The following ASIC2 variants were observed in gnomAD, a reference collection of about 807,000 sequenced individuals.
ASIC2 encodes the protein acid-sensing ion channel 2.
ASIC2 carries 25 observed loss-of-function variants against 57.3 expected under a neutral mutation model. That is an observed-to-expected ratio of 0.44 (90% CI 0.32 to 0.61). The LOEUF (loss-of-function observed/expected upper bound fraction) is 0.61, where lower values mean the gene tolerates loss of function less well. Among genes scored for constraint, ASIC2 ranks in the 20% least tolerant of loss-of-function variants. The pLI is 0.06. For synonymous variants in ASIC2, 319 were observed against 307.5 expected (o/e 1.04, Z -0.39); for missense variants, 641 against 738.1 (o/e 0.87, Z 1.52).
At chr17:33,015,782 C>A (rs1174689385) in intron 9 of ASIC2, among the ~76,000 whole-genome samples, 189 bp downstream of exon 9, 1 of 152,160 alleles carries the variant, frequency 6.6e-6, no homozygotes, top group East Asian at 1.9e-4. Context: ...TGGCTTCTGG[C>A]ATGACTCTCA....
chr17:33,510,185 A>G (rs1323438451), intron 1 of ASIC2, among the ~76,000 whole-genome samples: 1 of 152,222 alleles, frequency 6.6e-6, no homozygotes, highest in Non-Finnish European at 1.5e-5. Flanking sequence ...GGGTTGGGCC[A>G]GAGCAGAGAT....
intron 1 of ASIC2, among the ~76,000 whole-genome samples, chr17:33,841,688 C>T (rs1913442983): frequency 6.6e-6 from 1 of 152,180 alleles, no homozygotes; most frequent in African/African-American, 2.4e-5. Flanking sequence ...CAGAAGCCCC[C>T]AAGAGAGGGA....
At chr17:33,448,574 G>T (rs1912127004) in intron 1 of ASIC2, among the ~76,000 whole-genome samples, 1 of 152,168 alleles carries the variant, frequency 6.6e-6, no homozygotes. Context: ...CAAGCCAAGG[G>T]GTGCTGGCAG....
At chr17:33,059,846 A>T (rs1326354492) in intron 3 of ASIC2, among the ~76,000 whole-genome samples, 1 of 152,088 alleles carries the variant, frequency 6.6e-6, no homozygotes, top group Non-Finnish European at 1.5e-5. Flanking sequence ...TTTAATGATC[A>T]CCATTCTAAC....
At position 33,388,500 on chromosome 17, in the gene ASIC2, G is replaced by A. The variant is rs549528761; in HGVS notation, c.556-276433C>T. On this transcript the variant is annotated intron_variant, in intron 1 of 9. Transcript: ENST00000359872. Reference sequence around the variant, plus strand: ...GGGTGGAAGTTCCAGCCATCCCAGAGGCTGGCTGCTTACCCTCTACCCCAC... The same window carrying A: ...GGGTGGAAGTTCCAGCCATCCCAGAAGCTGGCTGCTTACCCTCTACCCCAC... Among the ~76,000 whole-genome samples the A allele has an allele frequency of 2.9e-4, 44 of 152,274 alleles. 1 individual carries two copies. The South Asian group carries it at 8.7e-3, about 30-fold the overall frequency.
intron 1 of ASIC2, among the ~76,000 whole-genome samples, chr17:33,448,155 C>T (rs1308788483): frequency 2.6e-5 from 4 of 152,104 alleles, no homozygotes; most frequent in Non-Finnish European, 4.4e-5. Flanking sequence ...TCCTCTCTGA[C>T]TCTTGCCTCC....
chr17:33,118,814 C>CT (rs771662690), intron 1 of ASIC2, among the ~76,000 whole-genome samples: 26 of 152,022 alleles, frequency 1.7e-4, no homozygotes, highest in Non-Finnish European at 3.2e-4. Context: ...TTGCACATGC[C>CT]AGGGCTTGGA....
intron 1 of ASIC2, among the ~76,000 whole-genome samples, chr17:33,814,965 T>A (rs1912534919): frequency 6.6e-6 from 1 of 152,178 alleles, no homozygotes; most frequent in Admixed American, 6.5e-5. Context: ...TGCATATGTG[T>A]CTGTGAGTCT....
At chr17:33,205,974 A>T (rs900014855) in intron 1 of ASIC2, among the ~76,000 whole-genome samples, 2 of 152,222 alleles carry the variant, frequency 1.3e-5, no homozygotes, top group East Asian at 3.8e-4. Flanking sequence ...AGAAAGCTCA[A>T]CACTAAATTA....
chr17:33,692,346 A>T (rs1908398669), intron 1 of ASIC2: 1 of 152,100 alleles, frequency 6.6e-6, no homozygotes, highest in African/African-American at 2.4e-5. Context: ...ACTATACATT[A>T]TTCCTATCCT....
chr17:33,164,691 T>C (rs1242290799), intron 1 of ASIC2, among the ~76,000 whole-genome samples: 1 of 152,182 alleles, frequency 6.6e-6, no homozygotes, highest in African/African-American at 2.4e-5. Flanking sequence ...TGTCCTGTAA[T>C]TGAGCCCTTT....
intron 1 of ASIC2, chr17:33,634,609 G>A (rs1167580394): frequency 1.3e-5 from 2 of 149,362 alleles, no homozygotes; most frequent in African/African-American, 2.5e-5. Context: ...TCCGCCTCCC[G>A]GGTTCACGCC....
At chr17:33,328,347 A>G (rs1907162182) in intron 1 of ASIC2, among the ~76,000 whole-genome samples, 1 of 152,168 alleles carries the variant, frequency 6.6e-6, no homozygotes, top group African/African-American at 2.4e-5. Flanking sequence ...GGAGCCATTG[A>G]GTTGGCAAAG....
chr17:33,883,028 A>G (rs1158206531), intron 1 of ASIC2, among the ~76,000 whole-genome samples: 1 of 152,126 alleles, frequency 6.6e-6, no homozygotes, highest in East Asian at 1.9e-4. Flanking sequence ...GAAACACCAC[A>G]TGTTCTCACT....
intron 1 of ASIC2, among the ~76,000 whole-genome samples, chr17:33,196,168 G>T (rs893705849): frequency 6.6e-6 from 1 of 152,188 alleles, no homozygotes; most frequent in Non-Finnish European, 1.5e-5. Context: ...AAAATTCCTT[G>T]TTAGCCCTAT....
chr17:33,165,957 G>T (rs1047315846), intron 1 of ASIC2, among the ~76,000 whole-genome samples: 2 of 152,078 alleles, frequency 1.3e-5, no homozygotes, highest in Admixed American at 6.6e-5. Context: ...GAGGGTAAAA[G>T]ATATACATTA....
At chr17:33,499,284 A>G (rs933989009) in intron 1 of ASIC2, among the ~76,000 whole-genome samples, 3 of 152,230 alleles carry the variant, frequency 2.0e-5, no homozygotes, top group African/African-American at 4.8e-5. Context: ...TGCAAGTTGA[A>G]TTGTATCACC....
intron 1 of ASIC2, among the ~76,000 whole-genome samples, chr17:33,603,614 G>C (rs1395497704): frequency 6.6e-6 from 1 of 152,200 alleles, no homozygotes; most frequent in Non-Finnish European, 1.5e-5. Flanking sequence ...GTGGGCTCTT[G>C]TTAACTGCTG....
intron 1 of ASIC2, among the ~76,000 whole-genome samples, chr17:34,119,172 A>G (rs1567828698): frequency 6.6e-6 from 1 of 152,172 alleles, no homozygotes; most frequent in Non-Finnish European, 1.5e-5. Flanking sequence ...AGAAAGAGAG[A>G]AAAGTAATAA....
Sources: allele counts gnomAD v4.1 joint callset (sites outside exome capture counted in the v4.1 genomes callset), GRCh38; gene constraint gnomAD v4.1.1; transcripts MANE v1.5; gene names NCBI Gene and HGNC (gene_info 2026-07-23, HGNC 2026-07-21).